Variants in MOBP observed in about 807,000 individuals in gnomAD.
The protein encoded by MOBP is myelin associated oligodendrocyte basic protein.
In MOBP, 5 loss-of-function variants were observed where a neutral mutation model predicts 15.0. That is an observed-to-expected ratio of 0.33 (90% confidence interval 0.17 to 0.70). MOBP has a LOEUF of 0.70. MOBP is among the 30% of genes least tolerant of loss of function. MOBP has a pLI of 0.67. For synonymous variants in MOBP, 88 were observed against 99.0 expected (o/e 0.89, Z 0.66); for missense variants, 188 against 257.8 (o/e 0.73, Z 1.85).
At chr3:39,525,005 G>A (rs1307362578), downstream of MOBP, 1 of 152,026 alleles carries the variant, frequency 6.6e-6, no homozygotes, top group Non-Finnish European at 1.5e-5. Flanking sequence ...ATATTATATT[G>A]CATATTGCCC....
chr3:39,504,227 C>T (rs539769212), downstream of MOBP, among the ~76,000 whole-genome samples: 29 of 152,292 alleles, frequency 1.9e-4, no homozygotes, highest in South Asian at 3.7e-3. Context: ...CTGAGTCCCT[C>T]TTAAGGACCC....
Position 39,470,013 on chromosome 3 carries a change from C to T in MOBP, c.-89+2273C>T, listed in dbSNP as rs527965543. 3.3e-5 allele frequency among the ~76,000 whole-genome samples: 5 copies of T among 152,184 alleles called. No homozygotes were observed. The South Asian group carries it at 1.0e-3, about 32-fold the overall frequency. ...GTGTGTTGGAGTCATGTCTACTGCT[C>T]TCTGAGTATTAGTTTCATAAATATA... On this transcript the variant is annotated intron_variant, in intron 1 of 3. Transcript: ENST00000684792.
At chr3:39,501,924 G>A (rs1200894636) in intron 2 of MOBP, 142 bp from the exon 3 acceptor site, 3 of 629,894 alleles carry the variant, frequency 4.8e-6, no homozygotes, top group Non-Finnish European at 8.4e-6. Context: ...GGGGAAGTTG[G>A]TCTTCCAGGG....
chr3:39,518,539 C>T (rs1026929650), downstream of MOBP, among the ~76,000 whole-genome samples: 5 of 152,046 alleles, frequency 3.3e-5, no homozygotes, highest in African/African-American at 1.2e-4. Context: ...AAAGAAAGAG[C>T]TCTTGGGCCA....
Position 39,502,185 on chromosome 3 carries a change from T to C in MOBP, c.116T>C (p.Ile39Thr), listed in dbSNP as rs765997163. 15 of 1,614,146 alleles carry C rather than the reference T, an allele frequency of 9.3e-6. No homozygotes were observed. The highest frequency in any genetic ancestry group is 4.4e-5 in the South Asian group (4 of 91,082). ...ACCTTCCTCAATTCCAAGAAGGAGA[T>C]AGTGGATCGGAAATACAGCATCTGT... ...PFTFLNSKKE[I>T]VDRKYSICKS... Residue 39 changes from isoleucine to threonine, a missense_variant, in exon 3 of 4, where the codon ATA becomes ACA. By Grantham distance (89) the Ile-to-Thr change is moderately conservative. Around this residue, in one of 2 missense-constraint regions of MOBP, gnomAD observed 133 missense variants for 212.5 expected, o/e 0.63. Coordinates refer to ENST00000684792, the MANE Select transcript of MOBP (RefSeq NM_001393704.1). This position sits in a 1 kb window ranked among gnomAD's most constrained non-coding sequence, Gnocchi z 6.3.
rs2042391602 is a variant in MOBP at position 39,468,812 on chromosome 3, GTGTATACATATTACATA to G, written c.-89+1076_-89+1092del. Among the ~76,000 whole-genome samples, 2 of 114,068 alleles carry G rather than the reference GTGTATACATATTACATA, an allele frequency of 1.8e-5. 1 individual carries two copies. The highest frequency in any genetic ancestry group is 1.6e-4 in the Admixed American group (2 of 12,272). 74.8% of individuals were successfully genotyped at this position (114,068 alleles called of 152,430 possible). ...TGTGTGTGTATATATACATATGTGTGTGTATACATATTACATATGTGTGTATATATACATATATACAT... is the reference window on the plus strand; with the variant it reads ...TGTGTGTGTATATATACATATGTGTGTGTGTGTATATATACATATATACAT... On this transcript the variant is annotated intron_variant, in intron 1 of 3. Coordinates refer to ENST00000684792, the MANE Select transcript of MOBP (RefSeq NM_001393704.1).
intron 2 of MOBP, among the ~76,000 whole-genome samples, chr3:39,489,676 G>A (rs1271636160): frequency 7.3e-6 from 1 of 136,374 alleles, no homozygotes. Flanking sequence ...GCAGGAGCTG[G>A]GTGTATTGTT....
rs1237748644 is a variant in MOBP, at chr3:39,469,157, TGTGTGTGTATAC to T, written c.-89+1418_-89+1429del. Among the ~76,000 whole-genome samples the T allele has an allele frequency of 3.0e-4, 27 of 88,612 alleles. 4 individuals are homozygous for T. In the South Asian group the frequency reaches 8.6e-3, roughly 28 times the overall value. The allele number at this position is 88,612 out of a possible 152,430, so 58.1% of individuals were successfully genotyped here. ...GTGTGTATATACATATATACATATG[TGTGTGTGTATAC>T]ATATATACATGTGTGTGTGTGTATA... On this transcript the variant is annotated intron_variant, in intron 1 of 3. Transcript: ENST00000684792.
At chr3:39,512,854 G>A (rs1466024219) in intron 4 of MOBP, among the ~76,000 whole-genome samples, 1 of 152,202 alleles carries the variant, frequency 6.6e-6, no homozygotes. Context: ...AGTTGGGTAA[G>A]CTTGCAGGCA....
intron 1 of MOBP, among the ~76,000 whole-genome samples, chr3:39,470,596 T>C (rs2042455798): frequency 6.6e-6 from 1 of 152,226 alleles, no homozygotes; most frequent in African/African-American, 2.4e-5. Flanking sequence ...AAAATTTAAG[T>C]TAAAAAGATG....
chr3:39,503,643 C>T (rs1243951388), downstream of MOBP, among the ~76,000 whole-genome samples: 1 of 77,110 alleles, frequency 1.3e-5, no homozygotes, highest in African/African-American at 4.2e-5. Flanking sequence ...CCAATACACA[C>T]ATGCCTGGCC....
intron 2 of MOBP, among the ~76,000 whole-genome samples, chr3:39,490,109 G>A (rs1394200472): frequency 2.6e-5 from 4 of 152,144 alleles, no homozygotes; most frequent in South Asian, 4.1e-4. Flanking sequence ...TAATAAGCTA[G>A]GCTGACTTTA....
intron 4 of MOBP, among the ~76,000 whole-genome samples, chr3:39,508,900 T>C (rs1424867978): frequency 6.6e-6 from 1 of 152,116 alleles, no homozygotes; most frequent in Non-Finnish European, 1.5e-5. Context: ...CTTCTGAATA[T>C]CTGTCTTATA....
At chr3:39,480,493 C>G (rs906089810) in intron 2 of MOBP, among the ~76,000 whole-genome samples, 1 of 152,202 alleles carries the variant, frequency 6.6e-6, no homozygotes, top group African/African-American at 2.4e-5. Context: ...TTAACTGAAT[C>G]TAGCCAGTTC....
Position 39,502,545 on chromosome 3 carries a change from C to A in MOBP, c.217C>A (p.Arg73Ser). 6.3e-7 allele frequency: 1 copy of A among 1,579,278 alleles called. No individual in the cohort carries two copies. Among genetic ancestry groups the A allele is most frequent in the South Asian group, 1.1e-5 (1 of 87,640 alleles). Reference sequence around the variant, plus strand: ...TTTTGGCCCTCTCAGAACCAGCCGCCGTGCCAAGTCCCCTCAGAGGCCCAA... The same window carrying A: ...TTTTGGCCCTCTCAGAACCAGCCGCAGTGCCAAGTCCCCTCAGAGGCCCAA... ...CACQKTRTSRRAKSPQRPKQQ... is the reference protein window; with the variant it reads ...CACQKTRTSRSAKSPQRPKQQ... The change falls in exon 4 of 4, where the codon CGT becomes AGT. Residue 73 changes from arginine (R) to serine (S), a missense_variant. By Grantham distance (110) the Arg-to-Ser change is moderately radical. Transcript: ENST00000684792. This position sits in a 1 kb window ranked among gnomAD's most constrained non-coding sequence, Gnocchi z 6.3.
In MOBP at chr3:39,468,884, TGTGTGTATATATACATATATACATATGA is replaced by T. The variant is rs1559411659; in HGVS notation, c.-89+1169_-89+1196del. Reference sequence around the variant, plus strand: ...GTGTATATATACATATATACATATGTGTGTGTATATATACATATATACATATGAGTGTGTATATATACATATATACATT... The same window carrying T: ...GTGTATATATACATATATACATATGTGTGTGTATATATACATATATACATT... On this transcript the variant is annotated intron_variant, in intron 1 of 3. Coordinates refer to ENST00000684792, the MANE Select transcript of MOBP (RefSeq NM_001393704.1). Among the ~76,000 whole-genome samples the T allele has an allele frequency of 8.6e-5, 10 of 115,752 alleles. 2 individuals are homozygous for T. In the East Asian group the frequency reaches 1.6e-3, roughly 19 times the overall value. 75.9% of individuals were successfully genotyped at this position (115,752 alleles called of 152,430 possible).
intron 2 of MOBP, among the ~76,000 whole-genome samples, chr3:39,481,693 A>C (rs1336313156): frequency 6.6e-6 from 1 of 152,142 alleles, no homozygotes; most frequent in Admixed American, 6.5e-5. Flanking sequence ...GTCTATCTTT[A>C]GTCACTATTC....
At chr3:39,475,459 C>A (rs1459542095) in intron 1 of MOBP, among the ~76,000 whole-genome samples, 1 of 152,106 alleles carries the variant, frequency 6.6e-6, no homozygotes, top group Non-Finnish European at 1.5e-5. Context: ...ATTTTAGCAT[C>A]CATTAGTCAA....
Position 39,494,789 on chromosome 3 carries a change from CCCG to C in MOBP, c.-4-7274_-4-7272del, listed in dbSNP as rs1553618293. ...TCATTTCATATTTTCAAAGCCCCCC[CCCG>C]CCCCCCGAGTTACGTGTTGTTATTA... On this transcript the variant is annotated intron_variant, in intron 2 of 3. Transcript: ENST00000684792. Among the ~76,000 whole-genome samples the C allele has an allele frequency of 1.1e-3, 100 of 90,224 alleles. 5 individuals are homozygous for C. The highest frequency in any genetic ancestry group is 3.9e-3 in the African/African-American group (91 of 23,450). 59.2% of individuals were successfully genotyped at this position (90,224 alleles called of 152,430 possible). A position where few individuals can be genotyped will look rare whatever the true frequency, so the allele number is the denominator to read the frequency against.
Sources: gnomAD v4.1 joint callset for allele counts (sites outside exome capture counted in the v4.1 genomes callset) on GRCh38, gnomAD v4.1.1 for gene constraint, gnomAD v4.1.1 regional missense constraint, Gnocchi (gnomAD v3.1) non-coding constraint, MANE v1.5 for transcripts, NCBI Gene and HGNC (gene_info 2026-07-23, HGNC 2026-07-21) for gene names.